The following MAPKAP1 variants were observed in gnomAD, a reference collection of about 807,000 sequenced individuals.
MAPKAP1 encodes MAPK associated protein 1.
MAPKAP1 carries 20 observed loss-of-function variants against 65.7 expected under a neutral mutation model. The ratio of observed to expected loss-of-function variants is 0.30; its 90% CI spans 0.21 to 0.44. The LOEUF (loss-of-function observed/expected upper bound fraction) is 0.44, where lower values mean the gene tolerates loss of function less well. Among genes scored for constraint, MAPKAP1 ranks in the 20% least tolerant of loss-of-function variants. The pLI is 1.00. For missense variants in MAPKAP1, 423 were observed against 648.0 expected (o/e 0.65, Z 3.77); for synonymous variants, 222 against 244.3 (o/e 0.91, Z 0.85).
chr9:125,672,613 C>G lies in MAPKAP1; in HGVS notation c.-39G>C, dbSNP rs559984321. The G allele has an allele frequency of 3.1e-6, 5 of 1,606,068 alleles. No homozygotes were observed. The South Asian group carries it at 4.4e-5, about 14-fold the overall frequency. On this transcript the variant is annotated 5_prime_UTR_variant, in exon 2 of 12. Coordinates refer to ENST00000265960, the MANE Select transcript of MAPKAP1 (RefSeq NM_001006617.3). ...CAATTTCCTTAAAAGGCTATTTTCT[C>G]CTCTTCATATTGTTTCACGAGCTCA...
At chr9:125,480,828 C>T (rs1055366386) in intron 9 of MAPKAP1, among the ~76,000 whole-genome samples, 13 of 151,318 alleles carry the variant, frequency 8.6e-5, no homozygotes, top group African/African-American at 1.5e-4. Context: ...AAAAATTAGC[C>T]GGGCGTGGTG....
At chr9:125,565,584 T>G in intron 5 of MAPKAP1, 1 of 307,936 alleles carries the variant, frequency 3.2e-6, no homozygotes, top group South Asian at 3.0e-5. Context: ...GGAAAAAAGG[T>G]CATGAGGATT....
chr9:125,578,495 C>T (rs979947173), intron 5 of MAPKAP1, among the ~76,000 whole-genome samples: 1 of 151,920 alleles, frequency 6.6e-6, no homozygotes, highest in Admixed American at 6.6e-5. Context: ...AAATCACTTA[C>T]ATGAGTCAAA....
rs1483253824 is a variant in MAPKAP1, at chr9:125,614,077, C to T, written c.499-28350G>A. ...CCTCCCAAAGTGCTGGGATTACAGG[C>T]GTGAGCCACCAGGCCCGGCCAAAAA... On this transcript the variant is annotated intron_variant, in intron 4 of 11. Transcript: ENST00000265960. 3.3e-5 allele frequency among the ~76,000 whole-genome samples: 5 copies of T among 152,090 alleles called. No individual in the cohort carries two copies. In the East Asian group the frequency reaches 5.8e-4, roughly 18 times the overall value.
At chr9:125,507,558 A>G (rs1295501116) in intron 7 of MAPKAP1, among the ~76,000 whole-genome samples, 2 of 152,140 alleles carry the variant, frequency 1.3e-5, no homozygotes, top group Admixed American at 1.3e-4. Flanking sequence ...TCTCCTTCCC[A>G]TGTTCTATGT....
At chr9:125,679,893 C>T (rs1375011731) in intron 1 of MAPKAP1, among the ~76,000 whole-genome samples, 1 of 152,224 alleles carries the variant, frequency 6.6e-6, no homozygotes, top group Non-Finnish European at 1.5e-5. Context: ...CAGCCCGAGG[C>T]TTCACAAAGG....
chr9:125,512,726 C>T (rs1479411178), intron 7 of MAPKAP1, among the ~76,000 whole-genome samples: 6 of 151,806 alleles, frequency 4.0e-5, no homozygotes, highest in African/African-American at 9.7e-5. Context: ...GGACTACAGG[C>T]GCCCGCCACC....
At chr9:125,615,215 A>G (rs1273567009) in intron 4 of MAPKAP1, among the ~76,000 whole-genome samples, 1 of 152,172 alleles carries the variant, frequency 6.6e-6, no homozygotes, top group East Asian at 1.9e-4. Context: ...CAAACTATAT[A>G]TATATATGAC....
At chr9:125,489,445 C>T (rs906294802) in intron 8 of MAPKAP1, among the ~76,000 whole-genome samples, 10 of 152,224 alleles carry the variant, frequency 6.6e-5, no homozygotes, top group South Asian at 6.2e-4. Flanking sequence ...TGTGTCAAAA[C>T]GCTCAAGCTG....
At chr9:125,684,778 C>A (rs1456319321) in intron 1 of MAPKAP1, among the ~76,000 whole-genome samples, 1 of 152,174 alleles carries the variant, frequency 6.6e-6, no homozygotes, top group Non-Finnish European at 1.5e-5. Context: ...ACCTCCTGGG[C>A]TCAGGCGATC....
chr9:125,576,168 C>T (rs1049096023), intron 5 of MAPKAP1, among the ~76,000 whole-genome samples: 1 of 152,166 alleles, frequency 6.6e-6, no homozygotes, highest in Non-Finnish European at 1.5e-5. Context: ...TGGTTGCCAG[C>T]AGTGGTGGGT....
chr9:125,581,349 T>C (rs1288621883), intron 5 of MAPKAP1, among the ~76,000 whole-genome samples: 1 of 152,260 alleles, frequency 6.6e-6, no homozygotes, highest in Non-Finnish European at 1.5e-5. Flanking sequence ...TTTCTCTACA[T>C]CCTTGCCAGC....
chr9:125,589,582 G>A (rs1226666097), intron 4 of MAPKAP1, among the ~76,000 whole-genome samples: 1 of 152,184 alleles, frequency 6.6e-6, no homozygotes, highest in Admixed American at 6.5e-5. Context: ...GGAGGGACTT[G>A]AGCAATCATG....
At chr9:125,603,933 TA>T (rs1242851088) in intron 4 of MAPKAP1, among the ~76,000 whole-genome samples, 3 of 151,648 alleles carry the variant, frequency 2.0e-5, no homozygotes, top group African/African-American at 7.2e-5. Context: ...AGAAACATTT[TA>T]TTTTTTTTAA....
intron 5 of MAPKAP1, among the ~76,000 whole-genome samples, chr9:125,582,817 TTTTTGACACCATGACA>T (rs1270469388): frequency 6.6e-6 from 1 of 152,252 alleles, no homozygotes; most frequent in Non-Finnish European, 1.5e-5. Context: ...TTTCCCACTC[TTTTTGACACCATGACA>T]TATGGAGAAA....
chr9:125,509,441 C>T (rs940233627), intron 7 of MAPKAP1, among the ~76,000 whole-genome samples: 3 of 152,030 alleles, frequency 2.0e-5, no homozygotes, highest in Admixed American at 2.0e-4. Flanking sequence ...ATGAAGGCCA[C>T]TTTTGTAATT....
At chr9:125,548,883 A>G (rs1212253653) in intron 6 of MAPKAP1, among the ~76,000 whole-genome samples, 2 of 152,206 alleles carry the variant, frequency 1.3e-5, no homozygotes, top group East Asian at 3.8e-4. Flanking sequence ...AGGTTTGGCA[A>G]GGTTGAGACA....
chr9:125,516,360 G>C (rs1359344645), intron 7 of MAPKAP1, among the ~76,000 whole-genome samples: 3 of 152,178 alleles, frequency 2.0e-5, no homozygotes, highest in Non-Finnish European at 4.4e-5. Flanking sequence ...TAAAGACAAA[G>C]ACTGGAAGAG....
At position 125,480,975 on chromosome 9, in the gene MAPKAP1, GAAAAAAAAAAAAAAAA is replaced by G. The variant is rs536367888; in HGVS notation, c.1207+3452_1207+3467del. On this transcript the variant is annotated intron_variant, in intron 9 of 11. Coordinates refer to ENST00000265960, the MANE Select transcript of MAPKAP1 (RefSeq NM_001006617.3). ...TGACAGAGCGAGACTCCGTTTCGGGGAAAAAAAAAAAAAAAAAAAAAAAAAAGAATATGCTTCTATG... is the reference window on the plus strand; with the variant it reads ...TGACAGAGCGAGACTCCGTTTCGGGGAAAAAAAAAAGAATATGCTTCTATG... Among the ~76,000 whole-genome samples, 18 of 108,720 alleles carry G rather than the reference GAAAAAAAAAAAAAAAA, an allele frequency of 1.7e-4. No homozygotes were observed. The South Asian group carries it at 1.9e-3, about 11-fold the overall frequency. The allele number at this position is 108,720 out of a possible 152,430, so 71.3% of individuals were successfully genotyped here.
Sources: gnomAD v4.1 joint callset for allele counts (sites outside exome capture counted in the v4.1 genomes callset) on GRCh38, gnomAD v4.1.1 for gene constraint, MANE v1.5 for transcripts, NCBI Gene and HGNC (gene_info 2026-07-23, HGNC 2026-07-21) for gene names.